Variants in CLDN14 observed in about 807,000 individuals in gnomAD.
CLDN14 encodes the protein claudin 14.
A neutral mutation model predicts 2.1 loss-of-function variants in CLDN14; 2 were observed. The ratio of observed to expected loss-of-function variants is 0.96; its 90% CI spans 0.39 to 3.01. The LOEUF (loss-of-function observed/expected upper bound fraction) is 3.01. Ranked by LOEUF, CLDN14 falls within the 30% of genes most tolerant of loss-of-function variation. CLDN14 has a pLI of 0.09. For missense variants in CLDN14, 298 were observed against 328.0 expected, an observed-to-expected ratio of 0.91 and a Z score of 0.71; for synonymous variants, 136 against 154.4, an observed-to-expected ratio of 0.88 and a Z score of 0.88.
At chr21:36,531,954 G>A (rs978171214) in intron 1 of CLDN14, 4 of 152,038 alleles carry the variant, frequency 2.6e-5, no homozygotes, top group Admixed American at 6.6e-5. Flanking sequence ...GGTTTCTCAC[G>A]GTCTTTTTGT....
intron 1 of CLDN14, among the ~76,000 whole-genome samples, chr21:36,517,276 C>G (rs138933101): frequency 2.1e-3 from 320 of 152,368 alleles, no homozygotes; most frequent in African/African-American, 7.4e-3. Flanking sequence ...TGTGTACTCT[C>G]TCTAGCTGTT....
At chr21:36,535,527 A>G (rs546028017) in intron 1 of CLDN14, among the ~76,000 whole-genome samples, 2 of 152,258 alleles carry the variant, frequency 1.3e-5, no homozygotes, top group Non-Finnish European at 2.9e-5. Context: ...TATGTGAATT[A>G]TAACTATAAA....
At chr21:36,487,347 A>G in intron 2 of CLDN14, 1 of 217,904 alleles carries the variant, frequency 4.6e-6, no homozygotes, top group Non-Finnish European at 9.6e-6. Flanking sequence ...CTGGGTGGGG[A>G]AGAAGTCCTC....
At chr21:36,462,378 G>A (rs1044623420) in intron 1 of CLDN14, among the ~76,000 whole-genome samples, 2 of 152,054 alleles carry the variant, frequency 1.3e-5, no homozygotes, top group Admixed American at 6.5e-5. Flanking sequence ...CAGGAGCTGC[G>A]GCAGGAGCAC....
At chr21:36,526,888 T>A (rs1253380351) in intron 1 of CLDN14, among the ~76,000 whole-genome samples, 3 of 152,266 alleles carry the variant, frequency 2.0e-5, no homozygotes, top group Non-Finnish European at 2.9e-5. Flanking sequence ...TTCTGTATGG[T>A]GGGCCTGATA....
chr21:36,522,244 C>T (rs1440896136), intron 1 of CLDN14, among the ~76,000 whole-genome samples: 1 of 152,158 alleles, frequency 6.6e-6, no homozygotes, highest in African/African-American at 2.4e-5. Context: ...AATCCAGGCC[C>T]CACTTCATGT....
Position 36,499,790 on chromosome 21 carries a change from A to G in CLDN14, c.-82+10573T>C, listed in dbSNP as rs2087076110. Among the ~76,000 whole-genome samples, 1 of 152,188 alleles carries G rather than the reference A, an allele frequency of 6.6e-6. No individual in the cohort carries two copies. Among genetic ancestry groups the G allele is most frequent in the Non-Finnish European group, 1.5e-5 (1 of 68,038 alleles). On this transcript the variant is annotated intron_variant, in intron 2 of 2. Transcript: ENST00000342108. This position sits in a 1 kb window ranked among gnomAD's most constrained non-coding sequence, Gnocchi z 4.7. ...ATGGAGCCAGCTGGGCAAAGCCAGC[A>G]GGGATTTATTGCTCCTTAGATGATC... is the stretch of plus-strand genomic sequence containing the variant.
intron 1 of CLDN14, among the ~76,000 whole-genome samples, chr21:36,555,148 A>G (rs2087589611): frequency 6.6e-6 from 1 of 152,224 alleles, no homozygotes; most frequent in Non-Finnish European, 1.5e-5. Context: ...AGAGGCTTTG[A>G]AGAGGCTTGC....
chr21:36,538,235 AC>A (rs1211473147), intron 1 of CLDN14, among the ~76,000 whole-genome samples: 2 of 152,128 alleles, frequency 1.3e-5, no homozygotes, highest in Non-Finnish European at 2.9e-5. Flanking sequence ...CCCCTAGTGT[AC>A]CCCCAAACAA....
intron 1 of CLDN14, among the ~76,000 whole-genome samples, chr21:36,563,915 A>C (rs394087): frequency 6.6e-6 from 1 of 152,070 alleles, no homozygotes; most frequent in East Asian, 1.9e-4. Flanking sequence ...TGTTATCAAA[A>C]AGACAGACGT....
intron 1 of CLDN14, among the ~76,000 whole-genome samples, chr21:36,477,177 G>A (rs2086789458): frequency 6.6e-6 from 1 of 152,212 alleles, no homozygotes; most frequent in Non-Finnish European, 1.5e-5. Context: ...GCCTGTCTGA[G>A]CACGGGGCTC....
At chr21:36,545,288 C>T (rs764562006) in intron 1 of CLDN14, among the ~76,000 whole-genome samples, 22 of 152,308 alleles carry the variant, frequency 1.4e-4, no homozygotes, top group Non-Finnish European at 2.5e-4. Flanking sequence ...GCAAGGGACT[C>T]CATTCTTGGG....
chr21:36,561,902 A>G (rs1477799810), intron 1 of CLDN14, among the ~76,000 whole-genome samples: 1 of 152,084 alleles, frequency 6.6e-6, no homozygotes, highest in East Asian at 1.9e-4. Flanking sequence ...TTGGTATGCC[A>G]GTGGGATAGA....
intron 2 of CLDN14, among the ~76,000 whole-genome samples, chr21:36,501,332 CTTTTTTTTTTTTTTTTTTTTTT>C (rs58458004): frequency 4.7e-4 from 23 of 48,444 alleles, no homozygotes; most frequent in African/African-American, 1.0e-3. Context: ...CAATATCTCA[CTTTTTTTTTTTTTTTTTTTTTT>C]TTTTTTTTTT....
At chr21:36,494,276 CAAAT>C (rs1445317689) in intron 2 of CLDN14, among the ~76,000 whole-genome samples, 1 of 152,090 alleles carries the variant, frequency 6.6e-6, no homozygotes, top group East Asian at 1.9e-4. Context: ...TATCTACAAA[CAAAT>C]ATTTATCTAA....
intron 1 of CLDN14, among the ~76,000 whole-genome samples, chr21:36,568,195 T>C (rs532926814): frequency 6.6e-6 from 1 of 152,260 alleles, no homozygotes; most frequent in South Asian, 2.1e-4. Flanking sequence ...CTGGGCTGGA[T>C]GGAGCATGGG....
At chr21:36,564,725 A>G (rs1405214164) in intron 1 of CLDN14, among the ~76,000 whole-genome samples, 3 of 152,246 alleles carry the variant, frequency 2.0e-5, no homozygotes, top group Non-Finnish European at 4.4e-5. Context: ...GAGGGAATTA[A>G]GGTTGCTAAC....
At chr21:36,505,496 C>T (rs1447870756) in intron 2 of CLDN14, among the ~76,000 whole-genome samples, 1 of 152,150 alleles carries the variant, frequency 6.6e-6, no homozygotes, top group Non-Finnish European at 1.5e-5. Flanking sequence ...TGATAAAGGA[C>T]AGGATGACTG....
chr21:36,475,786 G>C (rs1458896177), intron 1 of CLDN14, among the ~76,000 whole-genome samples: 2 of 151,840 alleles, frequency 1.3e-5, no homozygotes, highest in Admixed American at 6.6e-5. Context: ...GTCTTGCTCT[G>C]TCACCCAGGC....
Sources: gnomAD v4.1 joint callset for allele counts (sites outside exome capture counted in the v4.1 genomes callset) on GRCh38, gnomAD v4.1.1 for gene constraint, Gnocchi (gnomAD v3.1) non-coding constraint, MANE v1.5 for transcripts, NCBI Gene and HGNC (gene_info 2026-07-23, HGNC 2026-07-21) for gene names.